Variants in CACNB1 observed in about 807,000 individuals in gnomAD.
CACNB1 encodes voltage-dependent L-type calcium channel subunit beta-1.
In CACNB1, 29 loss-of-function variants were observed where a neutral mutation model predicts 71.6. The observed-to-expected ratio is 0.40, with a 90% confidence interval of 0.30 to 0.55. The LOEUF is 0.55. CACNB1 is among the 20% of genes least tolerant of loss of function. The pLI is 0.38. For missense variants in CACNB1, 623 were observed against 801.8 expected, an observed-to-expected ratio of 0.78 and a Z score of 2.69; for synonymous variants, 300 against 319.6, an observed-to-expected ratio of 0.94 and a Z score of 0.65.
Position 39,186,500 on chromosome 17 carries a change from G to A in CACNB1, c.624C>T (p.Ala208=), listed in dbSNP as rs779793699. 25 of 1,612,114 alleles carry A rather than the reference G, an allele frequency of 1.6e-5. No homozygotes were observed. Among genetic ancestry groups the A allele is most frequent in the Non-Finnish European group, 2.1e-5 (25 of 1,178,696 alleles). ...VTGTRRPTPP[A]SAKQKQKSTE... ...CTGCATGGCGATGGCTCTTACCACT[G>A]GCAGGGGGTGTGGGGCGGCGGGTGC... Residue 208 remains alanine, a synonymous_variant, in exon 6 of 14, where the codon GCC becomes GCT. Transcript: ENST00000394303. The surrounding 1 kb of genome is among the most constrained non-coding windows in gnomAD (Gnocchi z 4.1).
At chr17:39,190,367 A>C (rs975157825) in intron 3 of CACNB1, among the ~76,000 whole-genome samples, 1 of 152,180 alleles carries the variant, frequency 6.6e-6, no homozygotes, top group Non-Finnish European at 1.5e-5. Context: ...ACGCCGCTAC[A>C]CTCAGCCTGA....
Position 39,186,096 on chromosome 17 carries a change from T to C in CACNB1, c.628+400A>G, listed in dbSNP as rs777660325. ...TCTAGTTCAAAGGCTAAGTTAGTCA[T>C]TTCATTACCTGGACCGGAGAGTCAG... On this transcript the variant is annotated intron_variant, in intron 6 of 13. Coordinates refer to ENST00000394303, the MANE Select transcript of CACNB1 (RefSeq NM_000723.5). This position sits in a 1 kb window ranked among gnomAD's most constrained non-coding sequence, Gnocchi z 4.1. 1 of 1,613,676 alleles carries C rather than the reference T, an allele frequency of 6.2e-7. No individual in the cohort carries two copies. Among genetic ancestry groups the C allele is most frequent in the Admixed American group, 1.7e-5 (1 of 59,970 alleles).
Position 39,178,331 on chromosome 17 carries a change from CCTT to C in CACNB1, c.1051-255_1051-253del, listed in dbSNP as rs138196419. On this transcript the variant is annotated intron_variant, in intron 11 of 13. Coordinates refer to ENST00000394303, the MANE Select transcript of CACNB1 (RefSeq NM_000723.5). Reference sequence around the variant, plus strand: ...GGGCTATATGAAGGGCAGTGATTCTCCTTCTCAACTTCTCTAACATTGTTTGTA... The same window carrying C: ...GGGCTATATGAAGGGCAGTGATTCTCCTCAACTTCTCTAACATTGTTTGTA... 2.0e-3 allele frequency: 703 copies of C among 352,796 alleles called. 21 individuals carry two copies. In the East Asian group the frequency reaches 0.029, roughly 15 times the overall value. 21.9% of individuals were successfully genotyped at this position (352,796 alleles called of 1,614,324 possible).
At chr17:39,177,272 C>A in intron 13 of CACNB1, 78 bp downstream of exon 13, 1 of 1,605,390 alleles carries the variant, frequency 6.2e-7, no homozygotes. Flanking sequence ...GCTCCTGGGG[C>A]ACCACACTGC....
intron 1 of CACNB1, chr17:39,195,241 G>T (rs1164269363): frequency 5.5e-6 from 2 of 362,294 alleles, no homozygotes; most frequent in Non-Finnish European, 1.0e-5. Flanking sequence ...AGCCAGAGAG[G>T]CTGGGAAGGG....
At chr17:39,183,374 A>C (rs1206076325) in intron 11 of CACNB1, among the ~76,000 whole-genome samples, 1 of 151,268 alleles carries the variant, frequency 6.6e-6, no homozygotes, top group Non-Finnish European at 1.5e-5. Flanking sequence ...GAAAGGAAAG[A>C]CCTCCCAACT....
rs1389856306 is a variant in CACNB1, at chr17:39,175,146, C to T, written c.*47G>A. The T allele has an allele frequency of 1.4e-6, 2 of 1,477,654 alleles. No individual in the cohort carries two copies. Among genetic ancestry groups the T allele is most frequent in the Non-Finnish European group, 1.9e-6 (2 of 1,079,804 alleles). 91.5% of individuals were successfully genotyped at this position (1,477,654 alleles called of 1,614,324 possible). A position where few individuals can be genotyped will look rare whatever the true frequency, so the allele number is the denominator to read the frequency against. The stretch of plus-strand genomic sequence containing the variant: ...AGGTGTGAGCCCCTCGCTCCCTCCC[C>T]TCCCCTGGGCTCAGAGCCCTTCCTC... On this transcript the variant is annotated 3_prime_UTR_variant, in exon 14 of 14. Transcript: ENST00000394303. The surrounding 1 kb of genome is among the most constrained non-coding windows in gnomAD (Gnocchi z 4.7).
intron 3 of CACNB1, among the ~76,000 whole-genome samples, chr17:39,188,169 G>C (rs1269147263): frequency 6.6e-6 from 1 of 152,124 alleles, no homozygotes; most frequent in East Asian, 1.9e-4. Context: ...TGTAATCCCA[G>C]CTACTCAGGG....
intron 3 of CACNB1, among the ~76,000 whole-genome samples, chr17:39,189,489 C>A (rs1397871674): frequency 6.6e-6 from 1 of 151,736 alleles, no homozygotes; most frequent in Non-Finnish European, 1.5e-5. Flanking sequence ...ATAGGGAGAT[C>A]CTGTCTGTTT....
In CACNB1 at chr17:39,186,283, A is replaced by T. The variant is rs1019268162; in HGVS notation, c.628+213T>A. 4.7e-6 allele frequency: 3 copies of T among 636,378 alleles called. No individual in the cohort carries two copies. Among genetic ancestry groups the T allele is most frequent in the Non-Finnish European group, 8.3e-6 (3 of 363,042 alleles). 39.4% of individuals were successfully genotyped at this position (636,378 alleles called of 1,614,324 possible). On this transcript the variant is annotated intron_variant, in intron 6 of 13. Coordinates refer to ENST00000394303, the MANE Select transcript of CACNB1 (RefSeq NM_000723.5). The surrounding 1 kb of genome is among the most constrained non-coding windows in gnomAD (Gnocchi z 4.1). ...GGGGCAGGGCAGGGGAATCAGGCAG[A>T]GAGATGGAGCTACCAAAGAAAAGGG...
intron 11 of CACNB1, among the ~76,000 whole-genome samples, chr17:39,181,296 G>T (rs1161403317): frequency 6.6e-6 from 1 of 152,086 alleles, no homozygotes; most frequent in East Asian, 1.9e-4. Flanking sequence ...GTTTCATCAT[G>T]TTGCCCAGGC....
chr17:39,187,932 G>A (rs1308207985), intron 3 of CACNB1, among the ~76,000 whole-genome samples: 1 of 152,022 alleles, frequency 6.6e-6, no homozygotes, highest in Non-Finnish European at 1.5e-5. Flanking sequence ...AGAGTTGCTT[G>A]AACCTGGAAG....
At chr17:39,189,560 G>A (rs1480226061) in intron 3 of CACNB1, among the ~76,000 whole-genome samples, 1 of 150,894 alleles carries the variant, frequency 6.6e-6, no homozygotes, top group Non-Finnish European at 1.5e-5. Flanking sequence ...GTGCAATGGC[G>A]CAATCTTGGC....
At chr17:39,183,951 T>G in intron 10 of CACNB1, 80 bp downstream of exon 10, 1 of 1,554,218 alleles carries the variant, frequency 6.4e-7, no homozygotes, top group East Asian at 2.2e-5. Flanking sequence ...GAGATGGCCC[T>G]GCCCACTACC....
At chr17:39,191,148 G>A (rs921238467) in intron 3 of CACNB1, among the ~76,000 whole-genome samples, 2 of 152,088 alleles carry the variant, frequency 1.3e-5, no homozygotes, top group African/African-American at 2.4e-5. Flanking sequence ...AGCTTGCAGT[G>A]AGCCGAGATC....
At chr17:39,181,458 C>G (rs1411098453) in intron 11 of CACNB1, among the ~76,000 whole-genome samples, 1 of 152,132 alleles carries the variant, frequency 6.6e-6, no homozygotes, top group Non-Finnish European at 1.5e-5. Flanking sequence ...TATGCCTATG[C>G]TGCAGATGAG....
intron 11 of CACNB1, chr17:39,178,352 T>A (rs1047576918): frequency 2.3e-5 from 7 of 308,306 alleles, no homozygotes; most frequent in Non-Finnish European, 4.2e-5. Flanking sequence ...TCTCTAACAT[T>A]GTTTGTAGGC....
At chr17:39,176,426 G>C (rs1245319132) in intron 13 of CACNB1, among the ~76,000 whole-genome samples, 1 of 152,174 alleles carries the variant, frequency 6.6e-6, no homozygotes, top group African/African-American at 2.4e-5. Flanking sequence ...TGTGATGGGG[G>C]TTAGACCTGA....
At position 39,186,382 on chromosome 17, in the gene CACNB1, G is replaced by A. The variant is rs528189712; in HGVS notation, c.628+114C>T. ...GGAGGGGGAACCACTGCATGTGCTTGGGGGACTCAGGATTGGGGTGTTTCC... is the reference window on the plus strand; with the variant it reads ...GGAGGGGGAACCACTGCATGTGCTTAGGGGACTCAGGATTGGGGTGTTTCC... On this transcript the variant is annotated intron_variant, in intron 6 of 13. Transcript: ENST00000394303. The surrounding 1 kb of genome is among the most constrained non-coding windows in gnomAD (Gnocchi z 4.1). 564 of 753,532 alleles carry A rather than the reference G, an allele frequency of 7.5e-4. No homozygotes were observed. Among genetic ancestry groups the A allele is most frequent in the Non-Finnish European group, 1.1e-3 (482 of 452,014 alleles). 46.7% of individuals were successfully genotyped at this position (753,532 alleles called of 1,614,324 possible).
Sources: allele counts gnomAD v4.1 joint callset (sites outside exome capture counted in the v4.1 genomes callset), GRCh38; gene constraint gnomAD v4.1.1; non-coding constraint Gnocchi (gnomAD v3.1); transcripts MANE v1.5; gene names NCBI Gene and HGNC (gene_info 2026-07-23, HGNC 2026-07-21).